Variants in SLC67A2 observed in about 807,000 individuals in gnomAD.
The protein encoded by SLC67A2 is solute carrier family 67 member 2.
the SLC67A2 span, among the ~76,000 whole-genome samples, chr2:102,722,976 A>C: frequency 1.3e-5 from 2 of 152,218 alleles, no homozygotes; most frequent in African/African-American, 4.8e-5. Context: ...AAACAAAAAA[A>C]CACCAAGTTT....
chr2:102,719,651 T>C, the SLC67A2 span, among the ~76,000 whole-genome samples: 2 of 152,156 alleles, frequency 1.3e-5, no homozygotes, highest in African/African-American at 2.4e-5. Context: ...GTGCTAAACA[T>C]AGAAATATAT....
At chr2:102,736,843 A>T in the SLC67A2 span, 3 of 1,573,104 alleles carry the variant, frequency 1.9e-6, no homozygotes, top group South Asian at 1.2e-5. Flanking sequence ...ACGCAGCAGC[A>T]GCCGCGGACC....
chr2:102,720,235 T>A, the SLC67A2 span, among the ~76,000 whole-genome samples: 1 of 152,316 alleles, frequency 6.6e-6, no homozygotes, highest in Middle Eastern at 3.4e-3. Context: ...AAATATTGTA[T>A]AAGTGCTTCA....
At chr2:102,725,121 G>C in the SLC67A2 span, among the ~76,000 whole-genome samples, 1 of 152,186 alleles carries the variant, frequency 6.6e-6, no homozygotes, top group African/African-American at 2.4e-5. Flanking sequence ...GGACAGAGTG[G>C]AATGGAAAAT....
At chr2:102,733,424 A>G in the SLC67A2 span, among the ~76,000 whole-genome samples, 2 of 152,192 alleles carry the variant, frequency 1.3e-5, no homozygotes, top group African/African-American at 4.8e-5. Context: ...GTACATTCAT[A>G]TAACTATAGA....
chr2:102,731,236 T>C, the SLC67A2 span, among the ~76,000 whole-genome samples: 2 of 151,880 alleles, frequency 1.3e-5, no homozygotes, highest in African/African-American at 2.4e-5. Flanking sequence ...ATGGAAGTAA[T>C]ACAATTTCTA....
At chr2:102,735,785 T>C in the SLC67A2 span, among the ~76,000 whole-genome samples, 1 of 152,068 alleles carries the variant, frequency 6.6e-6, no homozygotes, top group Non-Finnish European at 1.5e-5. Context: ...ATCAGCTTAC[T>C]AAACTTTCCA....
chr2:102,724,183 T>C, the SLC67A2 span, among the ~76,000 whole-genome samples: 2 of 152,206 alleles, frequency 1.3e-5, no homozygotes, highest in East Asian at 3.9e-4. Flanking sequence ...CCCTTAACCC[T>C]CAGCTTGCCT....
At chr2:102,718,645 C>T in the SLC67A2 span, 2 of 1,613,800 alleles carry the variant, frequency 1.2e-6, no homozygotes, top group Non-Finnish European at 1.7e-6. Flanking sequence ...CGCCCACAGT[C>T]AGCTGGAGGT....
the SLC67A2 span, chr2:102,717,085 A>G: frequency 1.3e-5 from 2 of 151,744 alleles, no homozygotes; most frequent in Non-Finnish European, 2.9e-5. Flanking sequence ...CAGGCTGGAG[A>G]GCAGTGGCAC....
At chr2:102,731,712 T>A in the SLC67A2 span, among the ~76,000 whole-genome samples, 1,427 of 152,280 alleles carry the variant, frequency 9.4e-3, 22 homozygotes, top group African/African-American at 0.032. Flanking sequence ...CACAAACACT[T>A]GCTTGTTTGG....
the SLC67A2 span, chr2:102,719,068 G>A: frequency 2.5e-6 from 4 of 1,614,102 alleles, no homozygotes; most frequent in African/African-American, 4.0e-5. Flanking sequence ...TCTTCTTGCT[G>A]GCCCTGGCTC....
chr2:102,715,184 C>T, the SLC67A2 span, among the ~76,000 whole-genome samples: 10 of 152,314 alleles, frequency 6.6e-5, no homozygotes, highest in African/African-American at 2.2e-4. Flanking sequence ...CTTGCTGCGG[C>T]TAGAGAGCTC....
the SLC67A2 span, among the ~76,000 whole-genome samples, chr2:102,726,124 T>G: frequency 6.6e-6 from 1 of 152,210 alleles, no homozygotes; most frequent in African/African-American, 2.4e-5. Flanking sequence ...CAGACGAGCC[T>G]GGAAACAGCA....
chr2:102,732,970 T>C, the SLC67A2 span, among the ~76,000 whole-genome samples: 1 of 152,204 alleles, frequency 6.6e-6, no homozygotes, highest in African/African-American at 2.4e-5. Flanking sequence ...ACTAAACATG[T>C]GTCTTTGGAA....
At chr2:102,736,028 C>A in the SLC67A2 span, among the ~76,000 whole-genome samples, 1 of 152,074 alleles carries the variant, frequency 6.6e-6, no homozygotes, top group Non-Finnish European at 1.5e-5. Flanking sequence ...AGCGGCTTCT[C>A]CAGCCTGGTC....
At chr2:102,736,730 C>T in the SLC67A2 span, 2 of 1,613,924 alleles carry the variant, frequency 1.2e-6, no homozygotes, top group Middle Eastern at 1.6e-4. Flanking sequence ...CGGTTCCTGT[C>T]TTCTGCTCCT....
the SLC67A2 span, among the ~76,000 whole-genome samples, chr2:102,731,470 T>C: frequency 2.6e-5 from 4 of 152,144 alleles, no homozygotes; most frequent in Non-Finnish European, 5.9e-5. Flanking sequence ...CTTAACATTG[T>C]CTCTTATATT....
chr2:102,729,599 C>T, the SLC67A2 span, among the ~76,000 whole-genome samples: 9 of 152,132 alleles, frequency 5.9e-5, no homozygotes, highest in Non-Finnish European at 2.9e-5. Flanking sequence ...AATCTGATAA[C>T]TCTAGTTACC....
Sources: allele counts gnomAD v4.1 joint callset (sites outside exome capture counted in the v4.1 genomes callset), GRCh38; gene constraint gnomAD v4.1.1; transcripts MANE v1.5; gene names NCBI Gene and HGNC (gene_info 2026-07-23, HGNC 2026-07-21).